C5: variants seen among roughly 807,000 people sequenced by gnomAD.
C5 encodes C3 and PZP-like alpha-2-macroglobulin domain-containing protein 4.
C5 carries 140 observed loss-of-function variants against 218.8 expected under a neutral mutation model. The ratio of observed to expected loss-of-function variants is 0.64; its 90% confidence interval spans 0.56 to 0.74. The LOEUF (loss-of-function observed/expected upper bound fraction) is 0.74, where lower values mean the gene tolerates loss of function less well. Ranked by LOEUF, C5 falls within the 30% of genes least tolerant of loss-of-function variation. The probability of loss-of-function intolerance (pLI) is 0.00; values close to 1 mark genes in which losing one functional copy is unlikely to be tolerated. For missense variants in C5, 1,700 were observed against 1,969.6 expected (o/e 0.86, Z 2.59); for synonymous variants, 614 against 682.3 (o/e 0.90, Z 1.56).
At chr9:120,994,146 T>A (rs903993251) in intron 22 of C5, among the ~76,000 whole-genome samples, 9 of 152,238 alleles carry the variant, frequency 5.9e-5, no homozygotes, top group Non-Finnish European at 8.8e-5. Context: ...AATTACTATA[T>A]ACTGTTTGTT....
At chr9:121,043,737 C>T (rs1474957789) in intron 2 of C5, among the ~76,000 whole-genome samples, 4 of 128,104 alleles carry the variant, frequency 3.1e-5, no homozygotes, top group Admixed American at 9.6e-5. Flanking sequence ...TTAATAGAGA[C>T]GGGTTTCACC....
the C5 span, among the ~76,000 whole-genome samples, chr9:121,064,659 G>A: frequency 2.0e-5 from 3 of 151,762 alleles, no homozygotes; most frequent in African/African-American, 4.8e-5. Context: ...CAAAAGCATT[G>A]GTAAAATATC....
chr9:121,054,508 C>A, upstream of C5, among the ~76,000 whole-genome samples: 1 of 152,038 alleles, frequency 6.6e-6, no homozygotes, highest in East Asian at 1.9e-4. Context: ...GCTGAGGCAG[C>A]AGAATTGCTT....
intron 29 of C5, 55 bp downstream of exon 29, chr9:120,976,645 G>A (rs905091499): frequency 2.9e-6 from 4 of 1,401,524 alleles, no homozygotes; most frequent in Admixed American, 1.7e-5. Flanking sequence ...TGAGTGTGGT[G>A]GGGGAGAAAA....
At chr9:121,059,429 G>C in the C5 span, among the ~76,000 whole-genome samples, 1 of 152,184 alleles carries the variant, frequency 6.6e-6, no homozygotes, top group Non-Finnish European at 1.5e-5. The surrounding 1 kb of genome is among the most constrained non-coding windows in gnomAD (Gnocchi z 4.1). Flanking sequence ...ACCTTCTAAT[G>C]AATCAAGCTC....
chr9:121,070,401 ATATATATATATATATATATATATATG>A, the C5 span, among the ~76,000 whole-genome samples: 4 of 69,756 alleles, frequency 5.7e-5, no homozygotes, highest in Non-Finnish European at 7.3e-5. Context: ...ATATATATAT[ATATATATATATATATATATATATATG>A]TATGTATATT....
Position 121,030,462 on chromosome 9 carries a change from G to T in C5, c.693C>A (p.Ile231=). The T allele has an allele frequency of 1.3e-6, 2 of 1,547,362 alleles. No homozygotes were observed. The highest frequency in any genetic ancestry group is 1.2e-5 in the South Asian group (1 of 82,950). ...EYVLPHFSVS[I]EPEYNFIGYK... is the part of the protein sequence containing the mutation. ...AACCAATGAAATTATATTCTGGCTC[G>T]ATTGAGACAGAAAAATGTGGCAAGA... Residue 231 remains isoleucine, a synonymous_variant, in exon 7 of 41, where the codon ATC becomes ATA. Coordinates refer to ENST00000223642, the MANE Select transcript of C5 (RefSeq NM_001735.3).
chr9:121,041,297 C>CTTTT lies in C5; in HGVS notation c.421+1703_421+1706dup, dbSNP rs386416117. 1.4e-3 allele frequency among the ~76,000 whole-genome samples: 99 copies of CTTTT among 72,660 alleles called. 23 individuals carry two copies. The highest frequency in any genetic ancestry group is 0.036 in the Middle Eastern group (2 of 56). The allele number at this position is 72,660 out of a possible 152,430, so 47.7% of individuals were successfully genotyped here. A position where few individuals can be genotyped will look rare whatever the true frequency, so the allele number is the denominator to read the frequency against. The stretch of plus-strand genomic sequence containing the variant: ...CTGATAGAGAAATAATACATGAAGC[C>CTTTT]TTTTTTTTTTTTTTTTTTTTTTGCT... On this transcript the variant is annotated intron_variant, in intron 3 of 40. Coordinates refer to ENST00000223642, the MANE Select transcript of C5 (RefSeq NM_001735.3).
At chr9:121,073,686 G>A in the C5 span, among the ~76,000 whole-genome samples, 414 of 152,062 alleles carry the variant, frequency 2.7e-3, no homozygotes, top group African/African-American at 9.5e-3. Flanking sequence ...GGTAATTTTT[G>A]TATTTTTAGT....
intron 31 of C5, among the ~76,000 whole-genome samples, chr9:120,971,622 A>G (rs2046914215): frequency 6.6e-6 from 1 of 152,144 alleles, no homozygotes; most frequent in South Asian, 2.1e-4. Flanking sequence ...TATTTTTAGT[A>G]CAGACGGGGT....
At chr9:120,976,640 G>A in intron 29 of C5, 60 bp downstream of exon 29, 1 of 1,351,332 alleles carries the variant, frequency 7.4e-7, no homozygotes, top group Non-Finnish European at 1.1e-6. Context: ...CCAGATGAGT[G>A]TGGTGGGGGA....
chr9:120,960,609 C>A (rs968772042), intron 37 of C5, among the ~76,000 whole-genome samples: 2 of 152,240 alleles, frequency 1.3e-5, no homozygotes, highest in African/African-American at 4.8e-5. Flanking sequence ...AGGGCAGCTT[C>A]GAATGCGGCA....
intron 4 of C5, among the ~76,000 whole-genome samples, chr9:121,035,381 G>T (rs1469485494): frequency 6.6e-6 from 1 of 152,074 alleles, no homozygotes; most frequent in Non-Finnish European, 1.5e-5. Context: ...TTTTCAGCTT[G>T]GTAAAACTCT....
intron 40 of C5, among the ~76,000 whole-genome samples, chr9:120,953,476 T>C (rs909958572): frequency 4.6e-5 from 7 of 152,194 alleles, no homozygotes; most frequent in African/African-American, 1.7e-4. Flanking sequence ...GGAGCTGGTG[T>C]GGTGGTTAGG....
chr9:121,059,676 C>G, the C5 span, among the ~76,000 whole-genome samples: 4 of 152,206 alleles, frequency 2.6e-5, no homozygotes, highest in Non-Finnish European at 5.9e-5. This position sits in a 1 kb window ranked among gnomAD's most constrained non-coding sequence, Gnocchi z 4.1. Flanking sequence ...TAGAATACAG[C>G]AAAAGTGAAG....
rs779960937 is a variant in C5 at position 121,017,669 on chromosome 9, C to T, written c.1690G>A (p.Glu564Lys). 1.2e-6 allele frequency: 2 copies of T among 1,613,658 alleles called. No individual in the cohort carries two copies. Among genetic ancestry groups the T allele is most frequent in the Non-Finnish European group, 1.7e-6 (2 of 1,179,822 alleles). The change falls in exon 13 of 41, where the codon GAA (glutamate) becomes AAA (lysine). Residue 564 changes from glutamate to lysine, a missense_variant. Glu to Lys is a moderately conservative substitution (Grantham distance 56). Transcript: ENST00000223642. Reference protein sequence around the residue: ...LVSDSVWLNIEEKCGNQLQVH... With the variant: ...LVSDSVWLNIKEKCGNQLQVH... ...TGGAGCTGGTTGCCACATTTTTCTT[C>T]AATATTTAACCAGACTGAATCAGAC...
At chr9:121,041,803 G>A (rs1285967055) in intron 3 of C5, among the ~76,000 whole-genome samples, 2 of 152,094 alleles carry the variant, frequency 1.3e-5, no homozygotes, top group Non-Finnish European at 2.9e-5. Flanking sequence ...AACCTTTGTG[G>A]GCAGAGACTA....
chr9:120,974,281 C>G (rs2046935916), intron 30 of C5, among the ~76,000 whole-genome samples: 1 of 152,156 alleles, frequency 6.6e-6, no homozygotes, highest in African/African-American at 2.4e-5. Context: ...AAGGCCAACT[C>G]CAACCTGGCC....
chr9:120,991,208 C>T lies in C5; in HGVS notation c.2924G>A (p.Arg975Lys). The T allele has an allele frequency of 6.2e-7, 1 of 1,600,992 alleles. No homozygotes were observed. ...LDLVPKTEIK[R>K]ILSVKGLLVG... ...TAATTTACCTTTTACACTCAAAATC[C>T]TTTTGATTTCTGTTTTGGGGACCAA... Residue 975 changes from arginine to lysine, a missense_variant, in exon 23 of 41, where the codon AGG (arginine) becomes AAG (lysine). Coordinates refer to ENST00000223642, the MANE Select transcript of C5 (RefSeq NM_001735.3).
Sources: allele counts gnomAD v4.1 joint callset (sites outside exome capture counted in the v4.1 genomes callset), GRCh38; gene constraint gnomAD v4.1.1; non-coding constraint Gnocchi (gnomAD v3.1); transcripts MANE v1.5; gene names NCBI Gene and HGNC (gene_info 2026-07-23, HGNC 2026-07-21).